ICA1: variants seen among roughly 807,000 people sequenced by gnomAD.
ICA1 encodes the protein 69 kDa islet cell autoantigen.
A neutral mutation model predicts 71.0 loss-of-function variants in ICA1; 40 were observed. That is an observed-to-expected ratio of 0.56 (90% CI 0.44 to 0.73). ICA1 has a LOEUF of 0.73. Among genes scored for constraint, ICA1 ranks in the 30% least tolerant of loss-of-function variants. The pLI, the probability that ICA1 is intolerant of heterozygous loss-of-function variation, is 0.00. For synonymous variants in ICA1, 207 were observed against 209.5 expected, an observed-to-expected ratio of 0.99 and a Z score of 0.10; for missense variants, 578 against 576.5, an observed-to-expected ratio of 1.00 and a Z score of -0.03.
intron 6 of ICA1, among the ~76,000 whole-genome samples, chr7:8,199,884 G>A (rs1408466699): frequency 6.6e-6 from 1 of 152,184 alleles, no homozygotes; most frequent in East Asian, 1.9e-4. Context: ...TGGAGACAGA[G>A]AGTAGGATGG....
intron 6 of ICA1, among the ~76,000 whole-genome samples, chr7:8,161,725 G>A (rs953310133): frequency 6.6e-6 from 1 of 152,170 alleles, no homozygotes; most frequent in African/African-American, 2.4e-5. Context: ...TCTGAGATAT[G>A]TGAGGGAGCC....
At chr7:8,183,925 CAT>C (rs1194720673) in intron 6 of ICA1, among the ~76,000 whole-genome samples, 1 of 152,120 alleles carries the variant, frequency 6.6e-6, no homozygotes, top group Non-Finnish European at 1.5e-5. Context: ...ATATAAAAAA[CAT>C]AGTATTTGAA....
At chr7:8,201,351 G>A (rs977077845) in intron 6 of ICA1, among the ~76,000 whole-genome samples, 6 of 152,176 alleles carry the variant, frequency 3.9e-5, no homozygotes, top group African/African-American at 9.7e-5. Context: ...CCTACACTTC[G>A]TATTATGGTG....
At chr7:8,218,633 T>C in intron 5 of ICA1, 130 bp from the exon 6 acceptor site, 2 of 723,324 alleles carry the variant, frequency 2.8e-6, no homozygotes, top group South Asian at 1.7e-5. Flanking sequence ...CCATCAATAT[T>C]TGCTGAATAA....
chr7:8,145,910 T>A (rs551201128), intron 8 of ICA1, among the ~76,000 whole-genome samples: 2 of 152,164 alleles, frequency 1.3e-5, no homozygotes, highest in South Asian at 4.1e-4. Flanking sequence ...AAAACTGAAA[T>A]ATAAAAATGT....
At chr7:8,230,247 A>T (rs1437358786) in intron 3 of ICA1, among the ~76,000 whole-genome samples, 4 of 152,216 alleles carry the variant, frequency 2.6e-5, no homozygotes, top group African/African-American at 9.6e-5. Flanking sequence ...ACAAATATTA[A>T]AACTCAGCGC....
chr7:8,161,379 G>C (rs1584745289), intron 6 of ICA1, among the ~76,000 whole-genome samples: 1 of 152,174 alleles, frequency 6.6e-6, no homozygotes, highest in Non-Finnish European at 1.5e-5. Flanking sequence ...GTGGAACAGA[G>C]AGGGGTGGGG....
intron 6 of ICA1, among the ~76,000 whole-genome samples, chr7:8,196,444 C>T (rs971047777): frequency 1.3e-5 from 2 of 152,198 alleles, no homozygotes; most frequent in East Asian, 1.9e-4. Context: ...TGTCACTATA[C>T]ATTTGTCAAA....
At chr7:8,152,117 G>T (rs948979133) in intron 8 of ICA1, among the ~76,000 whole-genome samples, 4 of 152,096 alleles carry the variant, frequency 2.6e-5, no homozygotes, top group African/African-American at 9.7e-5. Flanking sequence ...CCAGACCAAG[G>T]TCTGCAAAGC....
chr7:8,247,554 C>T (rs1806522966), intron 1 of ICA1, among the ~76,000 whole-genome samples: 1 of 152,196 alleles, frequency 6.6e-6, no homozygotes. Context: ...TTTTTCCTAA[C>T]ACCCAAAGGT....
chr7:8,168,373 A>C (rs949031368), intron 6 of ICA1, among the ~76,000 whole-genome samples: 1 of 152,122 alleles, frequency 6.6e-6, no homozygotes, highest in African/African-American at 2.4e-5. Context: ...TGTTTGGGAA[A>C]TCCCTATTTT....
At chr7:8,248,709 C>A (rs776242496) in intron 1 of ICA1, among the ~76,000 whole-genome samples, 1 of 152,098 alleles carries the variant, frequency 6.6e-6, no homozygotes, top group Non-Finnish European at 1.5e-5. Context: ...GAGTAAGATG[C>A]CCACCACTCC....
intron 1 of ICA1, among the ~76,000 whole-genome samples, chr7:8,244,493 C>T (rs1318258936): frequency 1.3e-5 from 2 of 152,188 alleles, no homozygotes; most frequent in Non-Finnish European, 2.9e-5. Flanking sequence ...AGGACATAGG[C>T]ATGGGCAAGG....
At chr7:8,178,079 A>T (rs901301175) in intron 6 of ICA1, among the ~76,000 whole-genome samples, 2 of 152,134 alleles carry the variant, frequency 1.3e-5, no homozygotes, top group Non-Finnish European at 2.9e-5. Context: ...TCTCTAGCAA[A>T]ACTAAACTAT....
chr7:8,215,002 T>A (rs559800752), intron 6 of ICA1, among the ~76,000 whole-genome samples: 16 of 152,290 alleles, frequency 1.1e-4, no homozygotes, highest in African/African-American at 3.8e-4. Context: ...TCCCCCTTCA[T>A]TTCATGGTTA....
chr7:8,235,340 G>A (rs1288272229), intron 2 of ICA1, among the ~76,000 whole-genome samples: 1 of 152,118 alleles, frequency 6.6e-6, no homozygotes, highest in African/African-American at 2.4e-5. Context: ...CTTACAAGAG[G>A]TTTAACATGC....
At chr7:8,148,875 T>A (rs1252446804) in intron 8 of ICA1, among the ~76,000 whole-genome samples, 3 of 152,202 alleles carry the variant, frequency 2.0e-5, no homozygotes, top group South Asian at 2.1e-4. Context: ...TAACCCCCTT[T>A]ATCCCCCCAA....
chr7:8,153,426 T>C (rs894122160), intron 8 of ICA1, among the ~76,000 whole-genome samples: 2 of 152,096 alleles, frequency 1.3e-5, no homozygotes, highest in Non-Finnish European at 1.5e-5. Context: ...GCACGCCAGA[T>C]AGAGGGAAAA....
intron 6 of ICA1, among the ~76,000 whole-genome samples, chr7:8,181,883 T>A (rs1782290337): frequency 6.6e-6 from 1 of 152,146 alleles, no homozygotes; most frequent in African/African-American, 2.4e-5. Flanking sequence ...ATCTGAGTGT[T>A]CCAGTCTTCT....
Sources: allele counts gnomAD v4.1 joint callset (sites outside exome capture counted in the v4.1 genomes callset), GRCh38; gene constraint gnomAD v4.1.1; transcripts MANE v1.5; gene names NCBI Gene and HGNC (gene_info 2026-07-23, HGNC 2026-07-21).